Variants in FOXN3 observed in about 807,000 individuals in gnomAD.
The protein encoded by FOXN3 is forkhead box protein N3.
A neutral mutation model predicts 38.4 loss-of-function variants in FOXN3; 7 were observed. The observed-to-expected ratio is 0.18, with a 90% CI of 0.10 to 0.34. The LOEUF is 0.34. Among genes scored for constraint, FOXN3 ranks in the 10% least tolerant of loss-of-function variants. The pLI is 1.00. For missense variants in FOXN3, 456 were observed against 613.4 expected (o/e 0.74, Z 2.71); for synonymous variants, 230 against 242.2 (o/e 0.95, Z 0.47).
chr14:89,388,808 G>A (rs1890858565), intron 2 of FOXN3, among the ~76,000 whole-genome samples: 1 of 151,778 alleles, frequency 6.6e-6, no homozygotes, highest in South Asian at 2.1e-4. Context: ...CTTGAGCAGG[G>A]AAGACATGAT....
At chr14:89,420,141 G>T (rs1415662103), upstream of FOXN3, among the ~76,000 whole-genome samples, 3 of 152,236 alleles carry the variant, frequency 2.0e-5, no homozygotes, top group African/African-American at 7.2e-5. Context: ...TCTGCTCAAT[G>T]ATAACCACAC....
intron 1 of FOXN3, among the ~76,000 whole-genome samples, chr14:89,526,009 G>GA (rs149239766): frequency 0.13 from 19,603 of 145,730 alleles, 1,458 homozygotes; most frequent in African/African-American, 0.21. Context: ...GAACTAAAAA[G>GA]AAAAAAAAAA....
At chr14:89,360,563 G>GGGGA (rs1555421072) in intron 2 of FOXN3, among the ~76,000 whole-genome samples, 69 of 139,996 alleles carry the variant, frequency 4.9e-4, no homozygotes, top group African/African-American at 1.4e-3. Flanking sequence ...AAGGAGGTGA[G>GGGGA]GAGAGAGAGA....
intron 1 of FOXN3, among the ~76,000 whole-genome samples, chr14:89,573,194 C>T (rs894240420): frequency 7.9e-5 from 12 of 152,094 alleles, no homozygotes; most frequent in African/African-American, 2.2e-4. Context: ...TTAGATCAGC[C>T]GCCGTGGGAA....
chr14:89,583,461 G>C lies in FOXN3; in HGVS notation c.-15+35567C>G, dbSNP rs145778985. Among the ~76,000 whole-genome samples, 9 of 152,328 alleles carry C rather than the reference G, an allele frequency of 5.9e-5. No homozygotes were observed. The East Asian group carries it at 1.5e-3, about 26-fold the overall frequency. Reference sequence around the variant, plus strand: ...CCGCCTTCTGCCATGGAAGGATGCTGCAAGAAGGCCCTCACCAGACCCAAT... The same window carrying C: ...CCGCCTTCTGCCATGGAAGGATGCTCCAAGAAGGCCCTCACCAGACCCAAT... On this transcript the variant is annotated intron_variant, in intron 1 of 6. Coordinates refer to the FOXN3 transcript ENST00000345097.
At chr14:89,559,675 T>TA (rs778601856) in intron 1 of FOXN3, among the ~76,000 whole-genome samples, 14 of 151,220 alleles carry the variant, frequency 9.3e-5, no homozygotes, top group African/African-American at 2.2e-4. Flanking sequence ...ATTCCATCTT[T>TA]AAAAAAAAAT....
intron 1 of FOXN3, among the ~76,000 whole-genome samples, chr14:89,453,284 C>T (rs964084966): frequency 4.6e-5 from 7 of 151,948 alleles, no homozygotes; most frequent in East Asian, 1.9e-4. Context: ...AGGCCAGGCT[C>T]GGTGGCTCAA....
chr14:89,456,837 A>T (rs2139720999), intron 1 of FOXN3, among the ~76,000 whole-genome samples: 1 of 152,312 alleles, frequency 6.6e-6, no homozygotes, highest in East Asian at 1.9e-4. Flanking sequence ...AGATGGGTTA[A>T]TTATAGGCTG....
At chr14:89,354,358 T>C (rs1467668712) in intron 2 of FOXN3, among the ~76,000 whole-genome samples, 1 of 150,866 alleles carries the variant, frequency 6.6e-6, no homozygotes, top group Admixed American at 6.6e-5. Flanking sequence ...CCTGAGTAGC[T>C]GGGATTACAG....
intron 1 of FOXN3, among the ~76,000 whole-genome samples, chr14:89,541,637 A>G (rs1894792526): frequency 6.6e-6 from 1 of 152,138 alleles, no homozygotes; most frequent in South Asian, 2.1e-4. Flanking sequence ...TGGAATAGCC[A>G]TTCTTTTATT....
chr14:89,593,219 G>A (rs1302185006), intron 1 of FOXN3, among the ~76,000 whole-genome samples: 2 of 137,352 alleles, frequency 1.5e-5, no homozygotes, highest in South Asian at 2.4e-4. Context: ...GAGAAGGAAG[G>A]GAGGAAGAGG....
Position 89,260,848 on chromosome 14 carries a change from A to G in FOXN3, c.745+20102T>C, listed in dbSNP as rs541870461. ...CATAAACGAGCAGCTATAACATTTA[A>G]TTAGTTTTGTTCTTTTATGTATTTT... On this transcript the variant is annotated intron_variant, in intron 4 of 5. Transcript: ENST00000557258. Among the ~76,000 whole-genome samples the G allele has an allele frequency of 7.9e-5, 12 of 152,350 alleles. 1 individual carries two copies. In the East Asian group the frequency reaches 2.3e-3, roughly 29 times the overall value.
intron 4 of FOXN3, among the ~76,000 whole-genome samples, chr14:89,224,536 C>G (rs1352395012): frequency 1.3e-5 from 2 of 152,138 alleles, no homozygotes; most frequent in Non-Finnish European, 2.9e-5. Flanking sequence ...TTTTAGTTTT[C>G]CATCTTCAAT....
At chr14:89,596,466 G>A (rs1896059171) in intron 1 of FOXN3, among the ~76,000 whole-genome samples, 1 of 152,146 alleles carries the variant, frequency 6.6e-6, no homozygotes, top group African/African-American at 2.4e-5. Flanking sequence ...TTATATTCAT[G>A]AGTGAAACTG....
Position 89,490,713 on chromosome 14 carries a change from T to C in FOXN3, c.-14-78223A>G, listed in dbSNP as rs188326876. Among the ~76,000 whole-genome samples the C allele has an allele frequency of 4.3e-3, 655 of 152,334 alleles. 6 individuals are homozygous for C. The highest frequency in any genetic ancestry group is 0.014 in the African/African-American group (590 of 41,564). ...AAGTTTGGAAGCATCTGAAAGTGGC[T>C]GAATGGGTCCAGATGCTTTTGGTGC... On this transcript the variant is annotated intron_variant, in intron 1 of 6. Transcript: ENST00000345097.
At chr14:89,355,426 G>A (rs1391280523) in intron 2 of FOXN3, among the ~76,000 whole-genome samples, 4 of 151,652 alleles carry the variant, frequency 2.6e-5, no homozygotes, top group African/African-American at 4.8e-5. Context: ...TAGTAGAGAC[G>A]GGGTTTCGCC....
chr14:89,568,557 T>C (rs1895415353), intron 1 of FOXN3, among the ~76,000 whole-genome samples: 1 of 152,218 alleles, frequency 6.6e-6, no homozygotes, highest in Non-Finnish European at 1.5e-5. Flanking sequence ...TTTTTAGGAC[T>C]CTTTGTAAAT....
At chr14:89,229,964 C>A (rs1285309617) in intron 4 of FOXN3, among the ~76,000 whole-genome samples, 1 of 152,168 alleles carries the variant, frequency 6.6e-6, no homozygotes, top group African/African-American at 2.4e-5. Flanking sequence ...GCCCCACTGG[C>A]CTCTTACCCT....
chr14:89,408,447 G>A (rs941661239), intron 2 of FOXN3, among the ~76,000 whole-genome samples: 4 of 151,592 alleles, frequency 2.6e-5, no homozygotes, highest in Non-Finnish European at 5.9e-5. Flanking sequence ...TTTTTGTAGA[G>A]ACATACATGT....
Sources: gnomAD v4.1 joint callset for allele counts (sites outside exome capture counted in the v4.1 genomes callset) on GRCh38, gnomAD v4.1.1 for gene constraint, MANE v1.5 for transcripts, NCBI Gene and HGNC (gene_info 2026-07-23, HGNC 2026-07-21) for gene names.